Variants in SLC7A1 observed in about 807,000 individuals in gnomAD.
The protein encoded by SLC7A1 is high affinity cationic amino acid transporter 1.
Under a neutral mutation model 53.9 loss-of-function variants are expected in SLC7A1, and 10 were observed. That is an observed-to-expected ratio of 0.19 (90% CI 0.11 to 0.31). SLC7A1 has a LOEUF of 0.31. Ranked by LOEUF, SLC7A1 falls within the 10% of genes least tolerant of loss-of-function variation. The probability of loss-of-function intolerance (pLI) is 1.00; values close to 1 mark genes in which losing one functional copy is unlikely to be tolerated. For missense variants in SLC7A1, 525 were observed against 827.2 expected, an observed-to-expected ratio of 0.63 and a Z score of 4.48; for synonymous variants, 342 against 338.7, an observed-to-expected ratio of 1.01 and a Z score of -0.11.
chr13:29,593,871 C>T (rs1872203522), intron 1 of SLC7A1, among the ~76,000 whole-genome samples: 1 of 152,110 alleles, frequency 6.6e-6, no homozygotes, highest in Non-Finnish European at 1.5e-5. Flanking sequence ...TAAGCCCTTT[C>T]CTCTTTACTC....
chr13:29,515,926 T>C (rs571797532), intron 12 of SLC7A1, among the ~76,000 whole-genome samples: 37 of 152,354 alleles, frequency 2.4e-4, no homozygotes, highest in African/African-American at 8.7e-4. Context: ...AATATCAAGG[T>C]CTTGCCCAAA....
At chr13:29,582,500 G>A (rs571018676) in intron 1 of SLC7A1, among the ~76,000 whole-genome samples, 116 of 152,334 alleles carry the variant, frequency 7.6e-4, no homozygotes, top group African/African-American at 2.5e-3. Context: ...TTCCTAGCAG[G>A]CACTGCTCTT....
chr13:29,543,569 C>A (rs765630478), intron 2 of SLC7A1, among the ~76,000 whole-genome samples: 1 of 152,190 alleles, frequency 6.6e-6, no homozygotes, highest in African/African-American at 2.4e-5. Context: ...TTACAGCCCA[C>A]CACTCTAAGT....
intron 8 of SLC7A1, 56 bp downstream of exon 8, chr13:29,522,261 G>A (rs551971490): frequency 1.3e-6 from 2 of 1,580,540 alleles, no homozygotes; most frequent in South Asian, 1.1e-5. Flanking sequence ...GTCTCCCTAG[G>A]GAGTAATGAC....
At chr13:29,528,006 A>C (rs748668771) in intron 5 of SLC7A1, among the ~76,000 whole-genome samples, 2 of 152,246 alleles carry the variant, frequency 1.3e-5, no homozygotes, top group African/African-American at 4.8e-5. Flanking sequence ...TGGTGTCTGC[A>C]TCTGCTGAGA....
chr13:29,524,406 C>A (rs563761953), intron 5 of SLC7A1, among the ~76,000 whole-genome samples, 153 bp from the exon 6 acceptor site: 1 of 152,360 alleles, frequency 6.6e-6, no homozygotes, highest in Admixed American at 6.5e-5. Flanking sequence ...AGTCCAGCCA[C>A]TGCATGCTAA....
rs533481133 is a variant in SLC7A1 at position 29,525,731 on chromosome 13, C to T, written c.705-1478G>A. Among the ~76,000 whole-genome samples the T allele has an allele frequency of 9.9e-4, 151 of 152,294 alleles. 1 individual carries two copies. Among genetic ancestry groups the T allele is most frequent in the Non-Finnish European group, 8.2e-4 (56 of 68,032 alleles). ...CCCATAAACAGTAACGAGAGGAAAC[C>T]CCCAGAAATGTACAAGTGATGGACG... On this transcript the variant is annotated intron_variant, in intron 5 of 12. Transcript: ENST00000380752.
At chr13:29,535,386 A>G (rs373769922) in intron 3 of SLC7A1, among the ~76,000 whole-genome samples, 1 of 152,254 alleles carries the variant, frequency 6.6e-6, no homozygotes, top group Non-Finnish European at 1.5e-5. Context: ...TAAATTCACA[A>G]AAATGTTAAC....
chr13:29,588,907 TCTAA>T (rs765180761), intron 1 of SLC7A1, among the ~76,000 whole-genome samples: 3 of 152,176 alleles, frequency 2.0e-5, no homozygotes, highest in Non-Finnish European at 4.4e-5. Flanking sequence ...TTCTCCTAAC[TCTAA>T]CTGCCAGTCT....
chr13:29,566,539 G>A (rs116528709), intron 1 of SLC7A1, among the ~76,000 whole-genome samples: 2,690 of 152,304 alleles, frequency 0.018, 67 homozygotes, highest in African/African-American at 0.061. Context: ...GTCACATTCC[G>A]TGTCATGCCA....
At chr13:29,555,691 GA>G (rs66988502) in intron 1 of SLC7A1, among the ~76,000 whole-genome samples, 13,699 of 152,066 alleles carry the variant, frequency 0.09, 671 homozygotes, top group Middle Eastern at 0.16. Context: ...GCAGAATCTA[GA>G]AGGGAAACAA....
At chr13:29,589,548 G>T (rs867165186) in intron 1 of SLC7A1, among the ~76,000 whole-genome samples, 6 of 152,166 alleles carry the variant, frequency 3.9e-5, no homozygotes, top group African/African-American at 1.4e-4. Context: ...GCTGTGCCAG[G>T]TGCCTGGACT....
chr13:29,544,880 C>A (rs1869844133), intron 2 of SLC7A1, among the ~76,000 whole-genome samples: 1 of 126,316 alleles, frequency 7.9e-6, no homozygotes, highest in Non-Finnish European at 1.6e-5. Context: ...GGGGGGGGGG[C>A]AAGCTCTTCC....
Position 29,516,257 on chromosome 13 carries a change from A to G in SLC7A1, c.1678-11T>C. ...TGGCAGGAAGGGAACCTGAAGAGAC[A>G]GGAGGTGGCTTCAATCCATGGCAGT... is the stretch of plus-strand genomic sequence containing the variant. On this transcript the variant is annotated splice_polypyrimidine_tract_variant and intron_variant, in intron 11 of 12. Coordinates refer to ENST00000380752, the MANE Select transcript of SLC7A1 (RefSeq NM_003045.5). 1 of 1,588,926 alleles carries G rather than the reference A, an allele frequency of 6.3e-7. No individual in the cohort carries two copies. The highest frequency in any genetic ancestry group is 1.7e-5 in the Admixed American group (1 of 59,256).
rs149661887 is a variant in SLC7A1 at position 29,556,806 on chromosome 13, T to A, written c.-114-2946A>T. Among the ~76,000 whole-genome samples the A allele has an allele frequency of 2.8e-3, 422 of 152,334 alleles. 1 individual carries two copies. Among genetic ancestry groups the A allele is most frequent in the African/African-American group, 9.7e-3 (403 of 41,576 alleles). ...ACCCAACAGTTTGAGAACCACTGCT[T>A]GTAAGGTTGCCCAGTGAAATGAACA... is the stretch of plus-strand genomic sequence containing the variant. On this transcript the variant is annotated intron_variant, in intron 1 of 12. Coordinates refer to ENST00000380752, the MANE Select transcript of SLC7A1 (RefSeq NM_003045.5).
At chr13:29,556,048 G>A (rs1216938010) in intron 1 of SLC7A1, among the ~76,000 whole-genome samples, 1 of 152,068 alleles carries the variant, frequency 6.6e-6, no homozygotes, top group Non-Finnish European at 1.5e-5. Context: ...TATCAAGGAA[G>A]AATATCTACA....
rs944045723 is a variant in SLC7A1 at position 29,511,673 on chromosome 13, C to T, written c.*2807G>A. 1.3e-5 allele frequency: 2 copies of T among 152,256 alleles called. No individual in the cohort carries two copies. The highest frequency in any genetic ancestry group is 2.9e-5 in the Non-Finnish European group (2 of 68,078). The allele number at this position is 152,256 out of a possible 1,614,324, so 9.4% of individuals were successfully genotyped here. A position where few individuals can be genotyped will look rare whatever the true frequency, so the allele number is the denominator to read the frequency against. On this transcript the variant is annotated 3_prime_UTR_variant, in exon 13 of 13. Transcript: ENST00000380752. ...CCCCTCTTCAGCAGAGGTCCTGAGG[C>T]AGGGGGGTGGAGATCTGCTGGGTTT...
intron 4 of SLC7A1, among the ~76,000 whole-genome samples, chr13:29,531,539 C>T (rs1479169106): frequency 1.3e-5 from 2 of 152,154 alleles, no homozygotes; most frequent in African/African-American, 4.8e-5. Context: ...CGCCTCTCAT[C>T]GTTTTAAAAT....
intron 1 of SLC7A1, among the ~76,000 whole-genome samples, chr13:29,559,611 A>G (rs913823465): frequency 4.6e-5 from 7 of 151,922 alleles, no homozygotes; most frequent in Non-Finnish European, 8.8e-5. Flanking sequence ...CTTGAGGAAC[A>G]CTGTACACTG....
Sources: allele counts gnomAD v4.1 joint callset (sites outside exome capture counted in the v4.1 genomes callset), GRCh38; gene constraint gnomAD v4.1.1; transcripts MANE v1.5; gene names NCBI Gene and HGNC (gene_info 2026-07-23, HGNC 2026-07-21).